Variants in ARK2N observed in about 807,000 individuals in gnomAD.
ARK2N encodes the protein arkadia (RNF111) N-terminal like PKA signaling regulator 2N.
At chr18:46,213,899 G>A in the ARK2N span, among the ~76,000 whole-genome samples, 1 of 152,084 alleles carries the variant, frequency 6.6e-6, no homozygotes, top group East Asian at 1.9e-4. Flanking sequence ...GTTTCACCAT[G>A]TTGGCCAGAC....
the ARK2N span, chr18:46,231,973 C>G: frequency 6.6e-6 from 1 of 152,148 alleles, no homozygotes; most frequent in African/African-American, 2.4e-5. Flanking sequence ...CCAGGCTGGT[C>G]TCGAACTCCT....
the ARK2N span, among the ~76,000 whole-genome samples, chr18:46,214,283 C>A: frequency 3.2e-4 from 48 of 152,264 alleles, no homozygotes; most frequent in Admixed American, 2.4e-3. Context: ...CCATATTGCA[C>A]CTAGCATACC....
the ARK2N span, among the ~76,000 whole-genome samples, chr18:46,254,208 G>C: frequency 6.6e-6 from 1 of 152,164 alleles, no homozygotes; most frequent in South Asian, 2.1e-4. Flanking sequence ...AAACAGTTGG[G>C]AAACATGCAT....
At chr18:46,225,318 A>G in the ARK2N span, among the ~76,000 whole-genome samples, 3 of 152,204 alleles carry the variant, frequency 2.0e-5, no homozygotes, top group African/African-American at 4.8e-5. Flanking sequence ...TATAATTGCA[A>G]TTTTCTAGTT....
chr18:46,209,052 T>A, the ARK2N span, among the ~76,000 whole-genome samples: 3 of 152,186 alleles, frequency 2.0e-5, no homozygotes, highest in Non-Finnish European at 4.4e-5. Flanking sequence ...AAACTCTTTT[T>A]ATGTGACATT....
the ARK2N span, among the ~76,000 whole-genome samples, chr18:46,182,405 G>A: frequency 2.0e-5 from 3 of 152,098 alleles, no homozygotes; most frequent in Non-Finnish European, 2.9e-5. Context: ...TCTTCTGAAG[G>A]AGATAGAAAA....
the ARK2N span, among the ~76,000 whole-genome samples, chr18:46,236,540 C>T: frequency 6.6e-6 from 1 of 152,198 alleles, no homozygotes; most frequent in Non-Finnish European, 1.5e-5. Flanking sequence ...AAGATTGTGA[C>T]AGACATCAGA....
the ARK2N span, among the ~76,000 whole-genome samples, chr18:46,197,501 T>G: frequency 1.3e-5 from 2 of 152,326 alleles, no homozygotes; most frequent in Non-Finnish European, 2.9e-5. Context: ...CCCAAAGTGC[T>G]GGGATTACAG....
chr18:46,192,286 G>A, the ARK2N span, among the ~76,000 whole-genome samples: 1 of 152,196 alleles, frequency 6.6e-6, no homozygotes, highest in East Asian at 1.9e-4. Context: ...TAAGAATGTG[G>A]ACTCTGGCTG....
chr18:46,193,749 C>G, the ARK2N span, among the ~76,000 whole-genome samples: 17 of 151,478 alleles, frequency 1.1e-4, no homozygotes, highest in African/African-American at 4.1e-4. Context: ...CAAGTGCATG[C>G]CAACACGCCT....
chr18:46,214,584 G>C, the ARK2N span, among the ~76,000 whole-genome samples: 1 of 152,154 alleles, frequency 6.6e-6, no homozygotes, highest in Non-Finnish European at 1.5e-5. Context: ...TGTTAAGTAA[G>C]GACTTAACTG....
the ARK2N span, among the ~76,000 whole-genome samples, chr18:46,188,698 A>G: frequency 6.6e-6 from 1 of 152,210 alleles, no homozygotes; most frequent in South Asian, 2.1e-4. Flanking sequence ...AGATTTTGAA[A>G]TGTCAACTTA....
the ARK2N span, among the ~76,000 whole-genome samples, chr18:46,178,076 C>T: frequency 0.011 from 1,705 of 152,190 alleles, 60 homozygotes; most frequent in East Asian, 0.12. Flanking sequence ...AGTTGGATTT[C>T]CAGGTGAGCA....
At chr18:46,255,600 C>T in the ARK2N span, among the ~76,000 whole-genome samples, 4 of 151,372 alleles carry the variant, frequency 2.6e-5, no homozygotes, top group Admixed American at 1.3e-4. Context: ...TACAGGCATG[C>T]GCCACCACGC....
the ARK2N span, chr18:46,239,898 T>G: frequency 1.3e-4 from 132 of 995,946 alleles, no homozygotes; most frequent in Non-Finnish European, 1.8e-4. Context: ...GCTTTTCTGA[T>G]GAGATAGAAT....
At chr18:46,239,263 A>G in the ARK2N span, among the ~76,000 whole-genome samples, 3 of 152,162 alleles carry the variant, frequency 2.0e-5, no homozygotes, top group Non-Finnish European at 4.4e-5. Context: ...TTCCAGTAAG[A>G]ACTTCAATAT....
chr18:46,251,049 C>G, the ARK2N span, among the ~76,000 whole-genome samples: 1 of 152,150 alleles, frequency 6.6e-6, no homozygotes, highest in Non-Finnish European at 1.5e-5. Flanking sequence ...CTGCCTTGTT[C>G]CCCATAGTAT....
At chr18:46,222,701 T>G in the ARK2N span, among the ~76,000 whole-genome samples, 2 of 152,182 alleles carry the variant, frequency 1.3e-5, no homozygotes, top group African/African-American at 4.8e-5. Flanking sequence ...TTTGTCATTG[T>G]TTTTTAATAG....
chr18:46,229,141 A>G, the ARK2N span, among the ~76,000 whole-genome samples: 1 of 152,116 alleles, frequency 6.6e-6, no homozygotes, highest in Non-Finnish European at 1.5e-5. Context: ...AGAATCATAT[A>G]TATGAAAAAT....
Sources: allele counts gnomAD v4.1 joint callset (sites outside exome capture counted in the v4.1 genomes callset), GRCh38; gene constraint gnomAD v4.1.1; transcripts MANE v1.5; gene names NCBI Gene and HGNC (gene_info 2026-07-23, HGNC 2026-07-21).